The following ZFR variants were observed in gnomAD, a reference collection of about 807,000 sequenced individuals.
ZFR encodes the protein zinc finger RNA binding protein, also known as zinc finger RNA-binding protein.
A neutral mutation model predicts 130.7 loss-of-function variants in ZFR; 19 were observed. The observed-to-expected ratio is 0.15, with a 90% confidence interval of 0.10 to 0.21. The LOEUF is 0.21. Among genes scored for constraint, ZFR ranks in the 10% least tolerant of loss-of-function variants. The pLI, the probability that ZFR is intolerant of heterozygous loss-of-function variation, is 1.00. For missense variants in ZFR, 872 were observed against 1,321.5 expected (o/e 0.66, Z 5.27); for synonymous variants, 466 against 456.9 (o/e 1.02, Z -0.25).
intron 2 of ZFR, among the ~76,000 whole-genome samples, chr5:32,440,054 C>T (rs113622514): frequency 0.018 from 2,814 of 152,220 alleles, 84 homozygotes; most frequent in African/African-American, 0.065. Flanking sequence ...TACCTTTCCT[C>T]ATATTCTTTG....
chr5:32,415,254 T>C (rs1753793120), intron 4 of ZFR, 67 bp from the exon 5 acceptor site: 2 of 1,307,672 alleles, frequency 1.5e-6, no homozygotes, highest in African/African-American at 3.2e-5. Flanking sequence ...ACCAGTATCC[T>C]TAAAAAGCTG....
chr5:32,360,648 T>G (rs551039110), intron 19 of ZFR, among the ~76,000 whole-genome samples: 2 of 152,354 alleles, frequency 1.3e-5, no homozygotes, highest in East Asian at 3.9e-4. Context: ...TACAAGTTTT[T>G]GTGGGGACAT....
intron 6 of ZFR, among the ~76,000 whole-genome samples, chr5:32,404,578 G>T (rs1160094635): frequency 1.3e-5 from 2 of 152,104 alleles, no homozygotes; most frequent in Admixed American, 6.5e-5. Flanking sequence ...AATACATTTT[G>T]ACATAGAATC....
At chr5:32,385,234 GAAGT>G (rs1753019845) in intron 15 of ZFR, among the ~76,000 whole-genome samples, 1 of 13,994 alleles carries the variant, frequency 7.1e-5, no homozygotes, top group Non-Finnish European at 1.5e-4. Context: ...AAATAATTTT[GAAGT>G]TTTTTTTCCA....
intron 17 of ZFR, among the ~76,000 whole-genome samples, chr5:32,378,570 CAT>C (rs1752874545): frequency 6.6e-6 from 1 of 152,046 alleles, no homozygotes; most frequent in Non-Finnish European, 1.5e-5. Flanking sequence ...AAGATAGAAA[CAT>C]ATACTGTATA....
chr5:32,377,838 C>T (rs550291431), intron 17 of ZFR, among the ~76,000 whole-genome samples: 4 of 151,982 alleles, frequency 2.6e-5, no homozygotes, highest in Non-Finnish European at 5.9e-5. Context: ...ATTACAGGTG[C>T]CCGCCACCAT....
intron 11 of ZFR, among the ~76,000 whole-genome samples, chr5:32,392,132 A>G (rs1204987843): frequency 6.6e-6 from 1 of 152,248 alleles, no homozygotes; most frequent in Non-Finnish European, 1.5e-5. Context: ...AAAACAGCTT[A>G]AACGTTCTGG....
At chr5:32,420,573 C>T (rs1174619440) in intron 2 of ZFR, among the ~76,000 whole-genome samples, 1 of 152,206 alleles carries the variant, frequency 6.6e-6, no homozygotes, top group Non-Finnish European at 1.5e-5. Context: ...GTAGAAACTA[C>T]TGACCAGCTG....
At chr5:32,390,136 C>A in intron 12 of ZFR, 139 bp downstream of exon 12, 2 of 1,153,546 alleles carry the variant, frequency 1.7e-6, no homozygotes, top group Non-Finnish European at 2.4e-6. Flanking sequence ...GCCTGGGCGA[C>A]AGAGCAAGAC....
At chr5:32,439,406 A>C (rs1754410597) in intron 2 of ZFR, among the ~76,000 whole-genome samples, 1 of 152,184 alleles carries the variant, frequency 6.6e-6, no homozygotes, top group South Asian at 2.1e-4. Context: ...TCAAATAAAA[A>C]GTAAAAAAGA....
chr5:32,396,997 T>C (rs1428588152), intron 10 of ZFR, among the ~76,000 whole-genome samples: 1 of 152,176 alleles, frequency 6.6e-6, no homozygotes, highest in Non-Finnish European at 1.5e-5. Context: ...TTTGCCACAA[T>C]TACTAAAACT....
At chr5:32,426,495 T>C (rs1754076401) in intron 2 of ZFR, among the ~76,000 whole-genome samples, 1 of 152,102 alleles carries the variant, frequency 6.6e-6, no homozygotes, top group South Asian at 2.1e-4. Context: ...GATGACACAC[T>C]GAAAGCTTTT....
At position 32,397,282 on chromosome 5, in the gene ZFR, G is replaced by A. The variant is rs775047237; in HGVS notation, c.1770C>T (p.Ser590=). 2.5e-6 allele frequency: 4 copies of A among 1,613,408 alleles called. No homozygotes were observed. The highest frequency in any genetic ancestry group is 2.2e-5 in the South Asian group (2 of 90,830). The stretch of plus-strand genomic sequence containing the variant: ...TCTCCTTAGCATTGGGATCATTAAA[G>A]CTGCACTCGCATAATTTACAATGGA... The part of the protein sequence containing the change: ...IRFHCKLCEC[S]FNDPNAKEMH... Residue 590 remains serine, a synonymous_variant, in exon 10 of 20, where the codon AGC becomes AGT. Coordinates refer to ENST00000265069, the MANE Select transcript of ZFR (RefSeq NM_016107.5).
intron 8 of ZFR, 28 bp from the exon 9 acceptor site, chr5:32,400,231 A>G (rs990789835): frequency 1.3e-6 from 2 of 1,509,062 alleles, no homozygotes; most frequent in East Asian, 2.4e-5. Context: ...AGTTAAAAAA[A>G]ATTTTATTTT....
chr5:32,438,971 T>C (rs1206846586), intron 2 of ZFR, among the ~76,000 whole-genome samples: 1 of 152,206 alleles, frequency 6.6e-6, no homozygotes, highest in Non-Finnish European at 1.5e-5. Flanking sequence ...ATTCAAACTC[T>C]ATATAGTTCC....
intron 2 of ZFR, among the ~76,000 whole-genome samples, chr5:32,426,256 T>C (rs571734690): frequency 3.8e-4 from 58 of 152,160 alleles, no homozygotes; most frequent in Non-Finnish European, 7.8e-4. Flanking sequence ...CATTTGTGTT[T>C]TCTTTAACAG....
At chr5:32,431,952 G>A (rs1229942472) in intron 2 of ZFR, among the ~76,000 whole-genome samples, 1 of 151,632 alleles carries the variant, frequency 6.6e-6, no homozygotes, top group African/African-American at 2.4e-5. Flanking sequence ...AGCCTCCCGA[G>A]TAGCAGCTGA....
chr5:32,407,849 G>T (rs988068925), intron 5 of ZFR, among the ~76,000 whole-genome samples: 1 of 152,132 alleles, frequency 6.6e-6, no homozygotes, highest in Non-Finnish European at 1.5e-5. Context: ...TATGTTCAGT[G>T]ATTTACAGAT....
chr5:32,391,352 TAC>T (rs1753170429), intron 11 of ZFR, among the ~76,000 whole-genome samples: 1 of 152,182 alleles, frequency 6.6e-6, no homozygotes, highest in African/African-American at 2.4e-5. Flanking sequence ...AAGGAGGGAC[TAC>T]TGCACAGGCT....
Sources: gnomAD v4.1 joint callset for allele counts (sites outside exome capture counted in the v4.1 genomes callset) on GRCh38, gnomAD v4.1.1 for gene constraint, MANE v1.5 for transcripts, NCBI Gene and HGNC (gene_info 2026-07-23, HGNC 2026-07-21) for gene names.